Variants in TSPEAR observed in about 807,000 individuals in gnomAD.
TSPEAR encodes thrombospondin type laminin G domain and EAR repeats.
In TSPEAR, 69 loss-of-function variants were observed where a neutral mutation model predicts 71.6. That is an observed-to-expected ratio of 0.96 (90% confidence interval 0.79 to 1.18). The LOEUF (loss-of-function observed/expected upper bound fraction) is 1.18. Ranked by LOEUF, TSPEAR falls within the 50% of genes most tolerant of loss-of-function variation. The pLI is 0.00. For missense variants in TSPEAR, 971 were observed against 894.9 expected (o/e 1.09, Z -1.09); for synonymous variants, 402 against 387.2 (o/e 1.04, Z -0.45).
At chr21:44,694,491 G>C (rs998856759) in intron 1 of TSPEAR, among the ~76,000 whole-genome samples, 1 of 152,180 alleles carries the variant, frequency 6.6e-6, no homozygotes, top group African/African-American at 2.4e-5. Context: ...GGTGAACAGT[G>C]GTGGTGGTTG....
chr21:44,582,331 G>C (rs455806), intron 1 of TSPEAR, among the ~76,000 whole-genome samples: 81,389 of 152,100 alleles, frequency 0.54, 26,117 homozygotes, highest in Non-Finnish European at 0.72. Flanking sequence ...TTTCCCTCAC[G>C]GCCATACATG....
chr21:44,579,649 T>C, intron 1 of TSPEAR: 1 of 1,343,964 alleles, frequency 7.4e-7, no homozygotes, highest in Non-Finnish European at 1.0e-6. Context: ...GGGGGTCACC[T>C]CAGCACATGG....
At chr21:44,504,146 G>T (rs1445814753) in intron 11 of TSPEAR, among the ~76,000 whole-genome samples, 2 of 146,916 alleles carry the variant, frequency 1.4e-5, no homozygotes, top group African/African-American at 5.1e-5. Flanking sequence ...TGAGCCCACA[G>T]TGGGGAAGCA....
chr21:44,514,388 G>A (rs915706322), intron 9 of TSPEAR, among the ~76,000 whole-genome samples: 1 of 151,174 alleles, frequency 6.6e-6, no homozygotes, highest in African/African-American at 2.5e-5. Flanking sequence ...GCATGAGTGT[G>A]CATGTACATG....
intron 1 of TSPEAR, among the ~76,000 whole-genome samples, chr21:44,686,132 T>C (rs1986845157): frequency 6.6e-6 from 1 of 152,080 alleles, no homozygotes. Context: ...CAGGGGGACC[T>C]TGAACATCCA....
intron 1 of TSPEAR, chr21:44,573,575 T>C: frequency 9.4e-7 from 1 of 1,068,118 alleles, no homozygotes; most frequent in South Asian, 1.6e-5. Flanking sequence ...ACACAGCTAC[T>C]GTTTATTCTC....
At chr21:44,674,318 T>G (rs1986201517) in intron 1 of TSPEAR, among the ~76,000 whole-genome samples, 1 of 145,580 alleles carries the variant, frequency 6.9e-6, no homozygotes, top group Non-Finnish European at 1.5e-5. Flanking sequence ...TAAAAAAAAA[T>G]CAATAAACAG....
chr21:44,602,110 T>G, intron 1 of TSPEAR: 1 of 359,278 alleles, frequency 2.8e-6, no homozygotes, highest in Non-Finnish European at 5.3e-6. Flanking sequence ...TGGGCCTCTT[T>G]CTCTGTCTTC....
chr21:44,549,116 G>T (rs1217411719), intron 2 of TSPEAR, among the ~76,000 whole-genome samples: 1 of 152,204 alleles, frequency 6.6e-6, no homozygotes, highest in Non-Finnish European at 1.5e-5. Context: ...ACTGGCTGGG[G>T]TCGGACCACA....
intron 1 of TSPEAR, chr21:44,647,644 C>A: frequency 2.1e-6 from 1 of 468,602 alleles, no homozygotes; most frequent in Admixed American, 3.5e-5. Flanking sequence ...ATTCTTGAGT[C>A]AGGAAATACG....
At chr21:44,664,964 C>T (rs587726368) in intron 1 of TSPEAR, among the ~76,000 whole-genome samples, 1 of 152,212 alleles carries the variant, frequency 6.6e-6, no homozygotes, top group Non-Finnish European at 1.5e-5. Context: ...CCTCCCTCCT[C>T]TCATGCTCTG....
At chr21:44,636,811 C>T (rs1287733550) in intron 1 of TSPEAR, among the ~76,000 whole-genome samples, 1 of 152,228 alleles carries the variant, frequency 6.6e-6, no homozygotes, top group African/African-American at 2.4e-5. Context: ...TCCTAATGAG[C>T]TGACTGTCCA....
intron 1 of TSPEAR, chr21:44,676,872 C>T: frequency 2.2e-6 from 2 of 916,272 alleles, no homozygotes; most frequent in Admixed American, 3.4e-5. Flanking sequence ...TTTCTGTGGC[C>T]TTCTGTTCTG....
chr21:44,589,432 G>A (rs1979601371), intron 1 of TSPEAR, among the ~76,000 whole-genome samples: 1 of 152,330 alleles, frequency 6.6e-6, no homozygotes, highest in South Asian at 2.1e-4. Flanking sequence ...TCTGGCTGCT[G>A]TCAGTCATGC....
chr21:44,711,559 G>T lies in TSPEAR; in HGVS notation c.-45C>A, dbSNP rs782024775. The T allele has an allele frequency of 2.5e-6, 4 of 1,573,334 alleles. No homozygotes were observed. The highest frequency in any genetic ancestry group is 3.5e-6 in the Non-Finnish European group (4 of 1,156,268). On this transcript the variant is annotated 5_prime_UTR_variant, in exon 1 of 12. Coordinates refer to ENST00000323084, the MANE Select transcript of TSPEAR (RefSeq NM_144991.3). The surrounding 1 kb of genome is among the most constrained non-coding windows in gnomAD (Gnocchi z 4.5). ...CTCCATCCAGGGCTCCGCTCAGCCT[G>T]CAGGGAAGTGGCTGCTCCTCAGACG...
chr21:44,579,674 G>T, intron 1 of TSPEAR: 1 of 1,519,048 alleles, frequency 6.6e-7, no homozygotes. Context: ...CCCGTCCCAA[G>T]CGGGGGCAAC....
At chr21:44,651,500 G>T (rs1308663808) in intron 1 of TSPEAR, among the ~76,000 whole-genome samples, 1 of 152,202 alleles carries the variant, frequency 6.6e-6, no homozygotes, top group Non-Finnish European at 1.5e-5. Flanking sequence ...GGCTGCAGGA[G>T]AGAATCTTTC....
At chr21:44,532,176 C>T (rs967023224) in intron 3 of TSPEAR, among the ~76,000 whole-genome samples, 8 of 152,232 alleles carry the variant, frequency 5.3e-5, no homozygotes, top group African/African-American at 1.9e-4. Context: ...GCCTGTGACT[C>T]CCCATGTCCC....
intron 2 of TSPEAR, chr21:44,551,392 G>A (rs587653402): frequency 1.2e-6 from 2 of 1,613,324 alleles, no homozygotes; most frequent in Middle Eastern, 1.8e-4. Context: ...CAGCTCTCTG[G>A]GCAGTCGTCC....
Sources: gnomAD v4.1 joint callset for allele counts (sites outside exome capture counted in the v4.1 genomes callset) on GRCh38, gnomAD v4.1.1 for gene constraint, Gnocchi (gnomAD v3.1) non-coding constraint, MANE v1.5 for transcripts, NCBI Gene and HGNC (gene_info 2026-07-23, HGNC 2026-07-21) for gene names.